The following ACTR3C variants were observed in gnomAD, a reference collection of about 807,000 sequenced individuals.
The protein encoded by ACTR3C is actin-related protein 3C.
Under a neutral mutation model 26.3 loss-of-function variants are expected in ACTR3C, and 18 were observed. That is an observed-to-expected ratio of 0.68 (90% CI 0.47 to 1.01). ACTR3C has a LOEUF of 1.01. ACTR3C is among the 50% of genes least tolerant of loss of function. ACTR3C has a pLI of 0.00. For missense variants in ACTR3C, 184 were observed against 250.7 expected, an observed-to-expected ratio of 0.73 and a Z score of 1.80; for synonymous variants, 55 against 94.5, an observed-to-expected ratio of 0.58 and a Z score of 2.42.
chr7:150,037,431 G>T, the ACTR3C span, among the ~76,000 whole-genome samples: 18 of 53,734 alleles, frequency 3.3e-4, 4 homozygotes, highest in African/African-American at 5.5e-4. Context: ...ACTAGGGGAT[G>T]GCTCTCAATC....
At chr7:150,094,339 G>A in the ACTR3C span, among the ~76,000 whole-genome samples, 5 of 149,242 alleles carry the variant, frequency 3.4e-5, no homozygotes, top group Non-Finnish European at 2.9e-5. Context: ...ATCTCAATGC[G>A]AGCAGATAGG....
chr7:150,077,790 C>A, the ACTR3C span, among the ~76,000 whole-genome samples: 3 of 152,328 alleles, frequency 2.0e-5, no homozygotes, highest in South Asian at 4.1e-4. Flanking sequence ...AAGCTCCAAC[C>A]TCTGTCTCAT....
chr7:150,022,955 G>C, the ACTR3C span, among the ~76,000 whole-genome samples: 1 of 151,260 alleles, frequency 6.6e-6, no homozygotes, highest in Non-Finnish European at 1.5e-5. Flanking sequence ...CATAATATTT[G>C]CTCCTACCTA....
At chr7:150,321,125 T>A (rs998799207) in intron 1 of ACTR3C, among the ~76,000 whole-genome samples, 31 of 152,196 alleles carry the variant, frequency 2.0e-4, no homozygotes, top group African/African-American at 5.3e-4. Context: ...TCACCTCGGC[T>A]TGTGTTCAGC....
At chr7:149,995,689 G>A in the ACTR3C span, among the ~76,000 whole-genome samples, 1 of 152,202 alleles carries the variant, frequency 6.6e-6, no homozygotes. Flanking sequence ...TCAGGTTGGT[G>A]AGTGTCCAAC....
chr7:150,077,481 C>T, the ACTR3C span, among the ~76,000 whole-genome samples: 1 of 152,058 alleles, frequency 6.6e-6, no homozygotes, highest in East Asian at 1.9e-4. Flanking sequence ...AGGCAGGGTT[C>T]GTGCAATCTT....
At chr7:149,924,813 A>G in the ACTR3C span, among the ~76,000 whole-genome samples, 1 of 151,798 alleles carries the variant, frequency 6.6e-6, no homozygotes, top group Non-Finnish European at 1.5e-5. Flanking sequence ...TTTTTAGAAG[A>G]GACAGGGTTT....
At chr7:149,994,330 G>T in the ACTR3C span, among the ~76,000 whole-genome samples, 2 of 152,198 alleles carry the variant, frequency 1.3e-5, no homozygotes, top group African/African-American at 4.8e-5. Flanking sequence ...GGGCACGGTG[G>T]CTCATGCCTG....
At chr7:150,260,033 C>T (rs184109899) in intron 6 of ACTR3C, among the ~76,000 whole-genome samples, 2 of 152,198 alleles carry the variant, frequency 1.3e-5, no homozygotes, top group East Asian at 3.9e-4. Flanking sequence ...AGGCCGTGGG[C>T]TAAATATGCT....
the ACTR3C span, chr7:150,002,573 C>A: frequency 1.3e-5 from 2 of 152,204 alleles, no homozygotes; most frequent in Admixed American, 6.5e-5. Flanking sequence ...CGCAAAGCAT[C>A]CCGGGAAACT....
chr7:150,146,263 A>G, the ACTR3C span, among the ~76,000 whole-genome samples: 1 of 151,850 alleles, frequency 6.6e-6, no homozygotes, highest in Non-Finnish European at 1.5e-5. Flanking sequence ...GAGAAAAGCA[A>G]TTTTGCCGGT....
the ACTR3C span, among the ~76,000 whole-genome samples, chr7:149,904,656 C>T: frequency 6.9e-6 from 1 of 145,450 alleles, no homozygotes; most frequent in African/African-American, 2.4e-5. Flanking sequence ...AATTCGTATC[C>T]ACGAAAGTCA....
chr7:150,046,952 C>T, the ACTR3C span, among the ~76,000 whole-genome samples: 1 of 152,050 alleles, frequency 6.6e-6, no homozygotes. Context: ...GAGACAGACA[C>T]GGCCTGAGAG....
the ACTR3C span, among the ~76,000 whole-genome samples, chr7:150,238,706 T>C: frequency 1.3e-5 from 2 of 148,782 alleles, no homozygotes; most frequent in Admixed American, 1.3e-4. Flanking sequence ...TAGGAAATTT[T>C]GGAAAATAAA....
At chr7:150,083,393 C>T in the ACTR3C span, among the ~76,000 whole-genome samples, 1 of 151,944 alleles carries the variant, frequency 6.6e-6, no homozygotes, top group Admixed American at 6.6e-5. Context: ...ACAGTGAAAC[C>T]CCATCTCTAC....
intron 6 of ACTR3C, among the ~76,000 whole-genome samples, chr7:150,250,157 G>A (rs1216628407): frequency 1.3e-5 from 2 of 150,800 alleles, no homozygotes; most frequent in South Asian, 4.2e-4. Context: ...CTAAATGTAG[G>A]TATTTAGTTA....
At chr7:150,228,386 C>T in the ACTR3C span, among the ~76,000 whole-genome samples, 3 of 152,166 alleles carry the variant, frequency 2.0e-5, no homozygotes, top group Non-Finnish European at 2.9e-5. Context: ...AACTCACATA[C>T]TAATCCTTGG....
the ACTR3C span, among the ~76,000 whole-genome samples, chr7:149,945,275 G>A: frequency 6.6e-6 from 1 of 150,626 alleles, no homozygotes; most frequent in South Asian, 2.1e-4. Flanking sequence ...GTCCCTGAGG[G>A]AGGGCAAGGG....
the ACTR3C span, among the ~76,000 whole-genome samples, chr7:149,904,645 C>T: frequency 1.4e-5 from 2 of 139,376 alleles, no homozygotes; most frequent in Non-Finnish European, 3.2e-5. Flanking sequence ...TAGGAATACT[C>T]AATTCGTATC....
Sources: gnomAD v4.1 joint callset for allele counts (sites outside exome capture counted in the v4.1 genomes callset) on GRCh38, gnomAD v4.1.1 for gene constraint, MANE v1.5 for transcripts, NCBI Gene and HGNC (gene_info 2026-07-23, HGNC 2026-07-21) for gene names.